Variants in COL4A2 observed in about 807,000 individuals in gnomAD.
The protein encoded by COL4A2 is collagen alpha-2(IV) chain.
A neutral mutation model predicts 200.2 loss-of-function variants in COL4A2; 99 were observed. That is an observed-to-expected ratio of 0.49 (90% CI 0.42 to 0.58). The LOEUF (loss-of-function observed/expected upper bound fraction) is 0.58. Ranked by LOEUF, COL4A2 falls within the 20% of genes least tolerant of loss-of-function variation. The probability of loss-of-function intolerance (pLI) is 0.00; values close to 1 mark genes in which losing one functional copy is unlikely to be tolerated. For synonymous variants in COL4A2, 897 were observed against 900.6 expected (o/e 1.00, Z 0.07); for missense variants, 1,950 against 2,314.1 (o/e 0.84, Z 3.23).
chr13:110,411,302 C>T (rs1040842207), intron 4 of COL4A2, among the ~76,000 whole-genome samples: 2 of 152,232 alleles, frequency 1.3e-5, no homozygotes, highest in African/African-American at 4.8e-5. Context: ...AACTCCACAG[C>T]TGTTTAGAAA....
At chr13:110,483,138 C>T (rs1227639820) in intron 32 of COL4A2, among the ~76,000 whole-genome samples, 1 of 152,132 alleles carries the variant, frequency 6.6e-6, no homozygotes, top group African/African-American at 2.4e-5. Flanking sequence ...TCTCAAGACC[C>T]CCCACGTAAG....
chr13:110,362,222 G>T (rs1315558086), intron 4 of COL4A2, among the ~76,000 whole-genome samples: 3 of 152,168 alleles, frequency 2.0e-5, no homozygotes, highest in African/African-American at 4.8e-5. Flanking sequence ...ATGATTCAGG[G>T]CTCTGTTGTT....
intron 46 of COL4A2, 116 bp downstream of exon 46, chr13:110,506,722 G>T (rs1016514133): frequency 1.8e-6 from 2 of 1,110,578 alleles, no homozygotes; most frequent in Non-Finnish European, 2.5e-6. Flanking sequence ...TTCCCCTGAC[G>T]GAAGGGTCCA....
At chr13:110,474,032 T>G (rs1882581715) in intron 29 of COL4A2, among the ~76,000 whole-genome samples, 1 of 151,508 alleles carries the variant, frequency 6.6e-6, no homozygotes, top group African/African-American at 2.4e-5. Context: ...GAAGCTGAGG[T>G]GGGAGGATTG....
chr13:110,495,580 G>T, intron 40 of COL4A2, 113 bp downstream of exon 40: 1 of 1,416,912 alleles, frequency 7.1e-7, no homozygotes, highest in South Asian at 1.4e-5. Flanking sequence ...GTGCAGGAAA[G>T]AGCTGGTTTT....
At chr13:110,449,653 T>TA (rs1183933920) in intron 18 of COL4A2, 26 bp from the exon 19 acceptor site, 1 of 1,528,980 alleles carries the variant, frequency 6.5e-7, no homozygotes, top group South Asian at 1.2e-5. Context: ...GTCTTGTTCT[T>TA]ACTGTGGGAC....
At chr13:110,443,064 TC>T (rs1881192321) in intron 16 of COL4A2, among the ~76,000 whole-genome samples, 1 of 152,222 alleles carries the variant, frequency 6.6e-6, no homozygotes, top group African/African-American at 2.4e-5. Flanking sequence ...GCCTCAGTGT[TC>T]CCTGTGGCTG....
At chr13:110,465,272 C>T in intron 24 of COL4A2, 133 bp from the exon 25 acceptor site, 1 of 1,178,010 alleles carries the variant, frequency 8.5e-7, no homozygotes, top group East Asian at 2.6e-5. Flanking sequence ...CACTAGGTTC[C>T]TGTTCATCTC....
In COL4A2 at chr13:110,377,905, T is replaced by TGAAA. The variant is rs543115517; in HGVS notation, c.180+20353_180+20354insGAAA. Among the ~76,000 whole-genome samples the TGAAA allele has an allele frequency of 7.9e-5, 12 of 152,328 alleles. No individual in the cohort carries two copies. The South Asian group carries it at 2.1e-3, about 26-fold the overall frequency. On this transcript the variant is annotated intron_variant, in intron 4 of 47. Coordinates refer to ENST00000360467, the MANE Select transcript of COL4A2 (RefSeq NM_001846.4). ...CACAGAACTTTTCTGGAAAAAAAAG[T>TGAAA]ATACTGTCAAAATGTTTCTCTTATT...
intron 14 of COL4A2, 197 bp from the exon 15 acceptor site, chr13:110,438,421 T>C (rs1880982689): frequency 4.0e-6 from 3 of 742,720 alleles, no homozygotes; most frequent in South Asian, 1.5e-5. Flanking sequence ...CAGTCCTGGA[T>C]GGGTGACAGC....
chr13:110,408,573 G>A (rs71440059), intron 4 of COL4A2, among the ~76,000 whole-genome samples: 9,576 of 152,194 alleles, frequency 0.063, 366 homozygotes, highest in South Asian at 0.12. Context: ...ATGCAGAGCC[G>A]CCCTCTGGCC....
At chr13:110,417,364 T>G (rs1254727067) in intron 4 of COL4A2, among the ~76,000 whole-genome samples, 1 of 152,162 alleles carries the variant, frequency 6.6e-6, no homozygotes, top group Non-Finnish European at 1.5e-5. Context: ...CATAAGCTCA[T>G]TTGCAGGAAA....
chr13:110,490,195 G>T (rs1028132842), intron 36 of COL4A2, among the ~76,000 whole-genome samples: 3 of 152,244 alleles, frequency 2.0e-5, no homozygotes, highest in Non-Finnish European at 4.4e-5. Flanking sequence ...TCAGGCCATC[G>T]CTTGAGAGAG....
chr13:110,408,508 C>T (rs757979856), intron 4 of COL4A2, among the ~76,000 whole-genome samples: 73 of 152,340 alleles, frequency 4.8e-4, no homozygotes, highest in Non-Finnish European at 6.0e-4. Context: ...CCCCTTCTCC[C>T]GCTCCTGTCT....
At chr13:110,487,707 C>A (rs1180527569) in intron 34 of COL4A2, among the ~76,000 whole-genome samples, 1 of 152,066 alleles carries the variant, frequency 6.6e-6, no homozygotes, top group Non-Finnish European at 1.5e-5. Flanking sequence ...TTATGTTGAA[C>A]AAAATAAACC....
At chr13:110,468,251 A>G (rs1016378638) in intron 27 of COL4A2, 1 of 471,632 alleles carries the variant, frequency 2.1e-6, no homozygotes, top group South Asian at 1.5e-5. Flanking sequence ...GAGCAGAGGT[A>G]AAGGCTCCTT....
In COL4A2 at chr13:110,470,510, G is replaced by A. The variant is rs141989216; in HGVS notation, c.2203+1186G>A. On this transcript the variant is annotated intron_variant, in intron 28 of 47. Transcript: ENST00000360467. Reference sequence around the variant, plus strand: ...AGAGGCGGCCACATCTCCCACAGACGTCTCATGAACAGGCAGAACTGACCC... The same window carrying A: ...AGAGGCGGCCACATCTCCCACAGACATCTCATGAACAGGCAGAACTGACCC... 1.5e-3 allele frequency among the ~76,000 whole-genome samples: 233 copies of A among 152,230 alleles called. 2 individuals are homozygous for A. Among genetic ancestry groups the A allele is most frequent in the Middle Eastern group, 6.8e-3 (2 of 294 alleles).
chr13:110,341,493 C>T (rs1876452121), intron 3 of COL4A2, among the ~76,000 whole-genome samples: 1 of 152,200 alleles, frequency 6.6e-6, no homozygotes, highest in Non-Finnish European at 1.5e-5. Context: ...AAGGGGCCTG[C>T]CTATTGGCTT....
In COL4A2 at chr13:110,362,130, G is replaced by A. The variant is rs138067312; in HGVS notation, c.180+4578G>A. 2.4e-4 allele frequency among the ~76,000 whole-genome samples: 36 copies of A among 152,266 alleles called. No homozygotes were observed. In the East Asian group the frequency reaches 5.4e-3, roughly 23 times the overall value. ...CAGCGTGAGAAGAGAGTTTCCCCTC[G>A]TTATGCAAGAGTTATGGTTCCCTAG... On this transcript the variant is annotated intron_variant, in intron 4 of 47. Coordinates refer to ENST00000360467, the MANE Select transcript of COL4A2 (RefSeq NM_001846.4).
Sources: gnomAD v4.1 joint callset for allele counts (sites outside exome capture counted in the v4.1 genomes callset) on GRCh38, gnomAD v4.1.1 for gene constraint, MANE v1.5 for transcripts, NCBI Gene and HGNC (gene_info 2026-07-23, HGNC 2026-07-21) for gene names.